CDH18: variants seen among roughly 807,000 people sequenced by gnomAD.
CDH18 encodes the protein cadherin 18.
A neutral mutation model predicts 67.9 loss-of-function variants in CDH18; 31 were observed. The observed-to-expected ratio is 0.46, with a 90% CI of 0.34 to 0.62. The LOEUF (loss-of-function observed/expected upper bound fraction) is 0.62. Ranked by LOEUF, CDH18 falls within the 20% of genes least tolerant of loss-of-function variation. The pLI is 0.01. For missense variants in CDH18, 890 were observed against 975.5 expected (o/e 0.91, Z 1.17); for synonymous variants, 362 against 347.2 (o/e 1.04, Z -0.48).
At chr5:20,552,996 G>T (rs951965514) in intron 1 of CDH18, among the ~76,000 whole-genome samples, 3 of 152,004 alleles carry the variant, frequency 2.0e-5, no homozygotes, top group Non-Finnish European at 4.4e-5. Flanking sequence ...CTCGTGATAC[G>T]CCCGCCTGGG....
At chr5:19,703,018 C>T (rs914249439) in intron 5 of CDH18, among the ~76,000 whole-genome samples, 3 of 148,610 alleles carry the variant, frequency 2.0e-5, no homozygotes, top group Admixed American at 6.9e-5. Context: ...AGAAACAATG[C>T]TCATCACTGG....
At chr5:19,912,834 GAGAAGACATCGGCCCATGAGGA>G (rs1791301537) in intron 2 of CDH18, among the ~76,000 whole-genome samples, 1 of 152,084 alleles carries the variant, frequency 6.6e-6, no homozygotes, top group Non-Finnish European at 1.5e-5. Flanking sequence ...TTCTTAGAGG[GAGAAGACATCGGCCCATGAGGA>G]CAACTCAAAG....
chr5:20,477,442 A>T (rs1257980705), intron 1 of CDH18, among the ~76,000 whole-genome samples: 1 of 152,242 alleles, frequency 6.6e-6, no homozygotes, highest in Non-Finnish European at 1.5e-5. Flanking sequence ...CAGTGGCCAC[A>T]TAATGTGGAC....
In CDH18 at chr5:20,088,350, T is replaced by C. The variant is rs190259280; in HGVS notation, c.-517-96336A>G. On this transcript the variant is annotated intron_variant, in intron 2 of 14. Coordinates refer to the CDH18 transcript ENST00000507958. ...GGGATTGGCCTTGTTGATCCAATGG[T>C]ATTCTAGTAATAAGTTTCGGAATGG... Among the ~76,000 whole-genome samples the C allele has an allele frequency of 1.6e-4, 24 of 152,352 alleles. No homozygotes were observed. The Middle Eastern group carries it at 0.014, about 87-fold the overall frequency.
At chr5:20,265,537 G>C (rs55934563) in intron 1 of CDH18, among the ~76,000 whole-genome samples, 3 of 151,538 alleles carry the variant, frequency 2.0e-5, no homozygotes, top group Admixed American at 6.6e-5. Context: ...AAAGATTATC[G>C]TAAGCTAAGA....
At chr5:19,961,942 T>C (rs1356719464) in intron 2 of CDH18, among the ~76,000 whole-genome samples, 1 of 152,058 alleles carries the variant, frequency 6.6e-6, no homozygotes, top group African/African-American at 2.4e-5. Context: ...CAATTTTTTC[T>C]CTGCAAGTTT....
upstream of CDH18, among the ~76,000 whole-genome samples, chr5:19,989,592 T>C (rs1044019772): frequency 2.6e-5 from 4 of 152,296 alleles, no homozygotes; most frequent in East Asian, 3.9e-4. Context: ...TTGTTAAAGG[T>C]TGTATAATTT....
intron 1 of CDH18, among the ~76,000 whole-genome samples, chr5:20,291,241 A>G (rs1747082147): frequency 6.6e-6 from 1 of 152,166 alleles, no homozygotes; most frequent in Non-Finnish European, 1.5e-5. Context: ...AAAATATTCA[A>G]TTGAGATCTA....
chr5:19,490,506 G>A (rs538883852), intron 11 of CDH18, among the ~76,000 whole-genome samples: 47 of 137,406 alleles, frequency 3.4e-4, no homozygotes, highest in South Asian at 2.0e-3. Context: ...CCTTCACCTC[G>A]CGGGTTCAAG....
chr5:20,308,355 C>T (rs140268355), intron 1 of CDH18, among the ~76,000 whole-genome samples: 1,710 of 151,816 alleles, frequency 0.011, 36 homozygotes, highest in African/African-American at 0.04. Flanking sequence ...CCAGCCTGGG[C>T]GACACGGTGA....
In CDH18 at chr5:19,701,160, A is replaced by C. The variant is rs544412172; in HGVS notation, c.643+20187T>G. Among the ~76,000 whole-genome samples the C allele has an allele frequency of 3.3e-5, 5 of 152,244 alleles. No homozygotes were observed. In the South Asian group the frequency reaches 1.0e-3, roughly 32 times the overall value. ...ATTTGGGAAAATCTCTAGTTAGCAA[A>C]GTGGGAAATTTATGTGTTTTAAAAA... On this transcript the variant is annotated intron_variant, in intron 5 of 12. Transcript: ENST00000382275.
intron 3 of CDH18, among the ~76,000 whole-genome samples, chr5:19,748,124 A>AAAAAAAAAAAAAAAAAAAAAAAAAAG (rs1770340930): frequency 6.9e-6 from 1 of 143,970 alleles, no homozygotes; most frequent in African/African-American, 2.5e-5. Context: ...AAAAAAAAAA[A>AAAAAAAAAAAAAAAAAAAAAAAAAAG]AAAAAAAAAG....
At chr5:19,726,689 C>A (rs945930117) in intron 4 of CDH18, among the ~76,000 whole-genome samples, 1 of 152,100 alleles carries the variant, frequency 6.6e-6, no homozygotes, top group Non-Finnish European at 1.5e-5. Context: ...TATTTGAAAT[C>A]TAGATGGAAA....
rs183918090 is a variant in CDH18 at position 19,704,623 on chromosome 5, G to T, written c.643+16724C>A. 3.9e-4 allele frequency among the ~76,000 whole-genome samples: 60 copies of T among 152,250 alleles called. No homozygotes were observed. In the South Asian group the frequency reaches 6.7e-3, roughly 17 times the overall value. Reference sequence around the variant, plus strand: ...GATATTATTTTTGATGGCAGCCATTGTTAAGCCTCCAGAACCTATACCTTA... The same window carrying T: ...GATATTATTTTTGATGGCAGCCATTTTTAAGCCTCCAGAACCTATACCTTA... On this transcript the variant is annotated intron_variant, in intron 5 of 12. Transcript: ENST00000382275.
rs1003914636 is a variant in CDH18, at chr5:20,352,499, G to A, written c.-579-96994C>T. The stretch of plus-strand genomic sequence containing the variant: ...TTTTCTATGTACAAATAAGAACCTG[G>A]ACAGACACGGGTGGCTCACGCCTGT... On this transcript the variant is annotated intron_variant, in intron 1 of 14. Transcript: ENST00000507958. Among the ~76,000 whole-genome samples the A allele has an allele frequency of 6.5e-4, 98 of 151,738 alleles. 1 individual carries two copies. The highest frequency in any genetic ancestry group is 1.1e-3 in the Non-Finnish European group (75 of 67,954).
chr5:19,472,820 C>A lies in CDH18; in HGVS notation c.*406G>T. Reference sequence around the variant, plus strand: ...GGTTGTGATTACCTTCACAAGTTTCCTGTATTAGTGTTACCACCCCTATAA... The same window carrying A: ...GGTTGTGATTACCTTCACAAGTTTCATGTATTAGTGTTACCACCCCTATAA... On this transcript the variant is annotated 3_prime_UTR_variant, in exon 13 of 13. Transcript: ENST00000382275. 1 of 162,536 alleles carries A rather than the reference C, an allele frequency of 6.2e-6. No individual in the cohort carries two copies. The highest frequency in any genetic ancestry group is 5.8e-5 in the Admixed American group (1 of 17,200). 10.1% of individuals were successfully genotyped at this position (162,536 alleles called of 1,614,324 possible).
intron 1 of CDH18, among the ~76,000 whole-genome samples, chr5:20,268,510 A>G (rs960815353): frequency 1.3e-5 from 2 of 152,110 alleles, no homozygotes; most frequent in Non-Finnish European, 2.9e-5. Context: ...TCAAGATAGG[A>G]GGACCGCTTG....
chr5:19,698,485 T>C (rs1399980064), intron 5 of CDH18, among the ~76,000 whole-genome samples: 3 of 152,074 alleles, frequency 2.0e-5, no homozygotes, highest in African/African-American at 7.2e-5. Context: ...TCAATAAAAA[T>C]ATAAAATATC....
At chr5:20,230,518 C>A (rs1006344445) in intron 2 of CDH18, among the ~76,000 whole-genome samples, 13 of 152,220 alleles carry the variant, frequency 8.5e-5, no homozygotes, top group Admixed American at 2.6e-4. Flanking sequence ...TAAATAAACT[C>A]TAGTTTTCCA....
Sources: gnomAD v4.1 joint callset for allele counts (sites outside exome capture counted in the v4.1 genomes callset) on GRCh38, gnomAD v4.1.1 for gene constraint, MANE v1.5 for transcripts, NCBI Gene and HGNC (gene_info 2026-07-23, HGNC 2026-07-21) for gene names.